The following CIT variants were observed in gnomAD, a reference collection of about 807,000 sequenced individuals.
CIT encodes the protein citron Rho-interacting kinase.
Under a neutral mutation model 272.7 loss-of-function variants are expected in CIT, and 79 were observed. That is an observed-to-expected ratio of 0.29 (90% CI 0.24 to 0.35). CIT has a LOEUF of 0.35. Among genes scored for constraint, CIT ranks in the 10% least tolerant of loss-of-function variants. CIT has a pLI of 1.00. For missense variants in CIT, 1,909 were observed against 2,618.3 expected, an observed-to-expected ratio of 0.73 and a Z score of 5.91; for synonymous variants, 948 against 995.6, an observed-to-expected ratio of 0.95 and a Z score of 0.90.
chr12:119,757,862 G>A (rs1446418689), intron 21 of CIT, among the ~76,000 whole-genome samples: 1 of 152,154 alleles, frequency 6.6e-6, no homozygotes, highest in African/African-American at 2.4e-5. Flanking sequence ...TCTGTGTAGG[G>A]ACAGAAGGGG....
At chr12:119,860,693 G>A (rs1950310079) in intron 3 of CIT, among the ~76,000 whole-genome samples, 1 of 152,054 alleles carries the variant, frequency 6.6e-6, no homozygotes, top group African/African-American at 2.4e-5. Context: ...ACGGTGCTTT[G>A]CAGGCAAAAC....
At chr12:119,707,937 C>A (rs1356920063) in intron 40 of CIT, among the ~76,000 whole-genome samples, 1 of 152,214 alleles carries the variant, frequency 6.6e-6, no homozygotes, top group Non-Finnish European at 1.5e-5. Context: ...ACTATGGAAT[C>A]CTCACTTACA....
chr12:119,800,660 A>G (rs1027213160), intron 10 of CIT, among the ~76,000 whole-genome samples: 4 of 152,182 alleles, frequency 2.6e-5, no homozygotes, highest in East Asian at 1.9e-4. Context: ...CAGGTAATCA[A>G]TGTGTGTAAA....
At chr12:119,848,678 C>G (rs1380248446) in intron 5 of CIT, among the ~76,000 whole-genome samples, 8 of 152,164 alleles carry the variant, frequency 5.3e-5, no homozygotes, top group African/African-American at 1.7e-4. Context: ...GAGCCAAGCA[C>G]AGAGTAACAT....
intron 17 of CIT, among the ~76,000 whole-genome samples, chr12:119,771,613 G>A (rs1963159180): frequency 1.3e-5 from 2 of 152,142 alleles, no homozygotes; most frequent in African/African-American, 4.8e-5. Flanking sequence ...TGAAAGGTTT[G>A]GGATGGGGCA....
chr12:119,807,926 T>G lies in CIT; in HGVS notation c.1112-4537A>C, dbSNP rs1234873917. On this transcript the variant is annotated intron_variant, in intron 9 of 47. Coordinates refer to ENST00000392521, the MANE Select transcript of CIT (RefSeq NM_001206999.2). ...ATAGAAAAAAATATTTCCATATATA[T>G]TTTTAAATATTTTAATAAATCAGCC... Among the ~76,000 whole-genome samples, 13 of 152,022 alleles carry G rather than the reference T, an allele frequency of 8.6e-5. 1 individual carries two copies.
chr12:119,822,731 G>A, intron 9 of CIT, 89 bp downstream of exon 9: 1 of 1,384,164 alleles, frequency 7.2e-7, no homozygotes, highest in Non-Finnish European at 1.0e-6. Context: ...GTAATTTACA[G>A]AAGCTTCTTT....
intron 7 of CIT, among the ~76,000 whole-genome samples, chr12:119,829,610 A>C (rs1968469257): frequency 6.6e-6 from 1 of 152,114 alleles, no homozygotes; most frequent in African/African-American, 2.4e-5. Flanking sequence ...ATCACTTACT[A>C]TGCTATATAA....
chr12:119,827,744 A>C (rs896479509), intron 7 of CIT, among the ~76,000 whole-genome samples: 1 of 152,170 alleles, frequency 6.6e-6, no homozygotes, highest in Admixed American at 6.5e-5. Flanking sequence ...GCCACAATAG[A>C]TATTTTTTAA....
At chr12:119,762,914 T>G (rs932646217) in intron 19 of CIT, among the ~76,000 whole-genome samples, 3 of 152,118 alleles carry the variant, frequency 2.0e-5, no homozygotes, top group African/African-American at 7.2e-5. Flanking sequence ...GGCATGGTGT[T>G]GTACACCTGT....
chr12:119,803,236 C>T lies in CIT; in HGVS notation c.1265G>A (p.Ser422Asn). ...EELPFVGFSY[S>N]KALGILGRSE... Reference sequence around the variant, plus strand: ...TCTACCAAGAATCCCCAGTGCCTTGCTGTACGAAAACCCCACAAACGGCAG... The same window carrying T: ...TCTACCAAGAATCCCCAGTGCCTTGTTGTACGAAAACCCCACAAACGGCAG... The change falls in exon 10 of 48, where the codon AGC (serine) becomes AAC (asparagine). Residue 422 changes from serine to asparagine, a missense_variant. This residue lies in a region of CIT where 529 missense variants were observed against 549.6 expected (regional missense o/e 0.96). Coordinates refer to ENST00000392521, the MANE Select transcript of CIT (RefSeq NM_001206999.2). 1.3e-6 allele frequency: 2 copies of T among 1,587,266 alleles called. No individual in the cohort carries two copies.
rs552882604 is a variant in CIT, at chr12:119,690,668, A to G, written c.5883-214T>C. ...CAACAAAAGACAACCCACCTTCCTC[A>G]GTGCAGGCTTTCATTTACTGAGCAC... is the stretch of plus-strand genomic sequence containing the variant. On this transcript the variant is annotated intron_variant, in intron 46 of 47. Coordinates refer to ENST00000392521, the MANE Select transcript of CIT (RefSeq NM_001206999.2). This position sits in a 1 kb window ranked among gnomAD's most constrained non-coding sequence, Gnocchi z 6.0. Among the ~76,000 whole-genome samples, 1 of 152,322 alleles carries G rather than the reference A, an allele frequency of 6.6e-6. No individual in the cohort carries two copies. The highest frequency in any genetic ancestry group is 1.9e-4 in the East Asian group (1 of 5,180).
intron 13 of CIT, 29 bp downstream of exon 13, chr12:119,782,489 C>A: frequency 6.2e-7 from 1 of 1,610,700 alleles, no homozygotes; most frequent in Non-Finnish European, 8.5e-7. Context: ...AGCCGAGATG[C>A]TGCTGTGCTC....
At chr12:119,818,429 C>T (rs1967395315) in intron 9 of CIT, among the ~76,000 whole-genome samples, 1 of 152,202 alleles carries the variant, frequency 6.6e-6, no homozygotes, top group Non-Finnish European at 1.5e-5. Flanking sequence ...AGACTGTCTT[C>T]CCTCAGGATT....
intron 23 of CIT, among the ~76,000 whole-genome samples, chr12:119,751,379 AC>A (rs200020639): frequency 9.7e-5 from 4 of 41,278 alleles, no homozygotes; most frequent in African/African-American, 7.5e-4. Context: ...AAATGGCCCC[AC>A]AAAAAAATCC....
At chr12:119,729,610 CTATGTA>C (rs1438111544) in intron 27 of CIT, among the ~76,000 whole-genome samples, 2 of 152,056 alleles carry the variant, frequency 1.3e-5, no homozygotes, top group African/African-American at 4.8e-5. Flanking sequence ...ATACGTATGT[CTATGTA>C]TATGTGTGTA....
At chr12:119,749,437 G>A (rs561305947) in intron 23 of CIT, among the ~76,000 whole-genome samples, 2 of 152,250 alleles carry the variant, frequency 1.3e-5, no homozygotes, top group African/African-American at 2.4e-5. Flanking sequence ...TGGAAAAGAC[G>A]TTTTTCAGAA....
chr12:119,782,802 T>TA (rs1964423093), intron 12 of CIT, 165 bp from the exon 13 acceptor site: 1 of 716,034 alleles, frequency 1.4e-6, no homozygotes, highest in Non-Finnish European at 2.2e-6. Context: ...TTCCATCCTG[T>TA]AAAACCCCTT....
chr12:119,847,629 G>A (rs999577521), intron 5 of CIT, among the ~76,000 whole-genome samples: 9 of 151,844 alleles, frequency 5.9e-5, no homozygotes, highest in Middle Eastern at 6.8e-3. Flanking sequence ...AGTGGCTCAC[G>A]CCTGTAATCC....
Sources: gnomAD v4.1 joint callset for allele counts (sites outside exome capture counted in the v4.1 genomes callset) on GRCh38, gnomAD v4.1.1 for gene constraint, gnomAD v4.1.1 regional missense constraint, Gnocchi (gnomAD v3.1) non-coding constraint, MANE v1.5 for transcripts, NCBI Gene and HGNC (gene_info 2026-07-23, HGNC 2026-07-21) for gene names.